Variants in IGSF21 observed in about 807,000 individuals in gnomAD.
IGSF21 encodes the protein immunoglobulin superfamily member 21.
IGSF21 carries 28 observed loss-of-function variants against 46.8 expected under a neutral mutation model. The ratio of observed to expected loss-of-function variants is 0.60; its 90% CI spans 0.44 to 0.82. The LOEUF (loss-of-function observed/expected upper bound fraction) is 0.82. IGSF21 is among the 40% of genes least tolerant of loss of function. IGSF21 has a pLI of 0.00. For synonymous variants in IGSF21, 284 were observed against 273.6 expected (o/e 1.04, Z -0.38); for missense variants, 624 against 665.5 (o/e 0.94, Z 0.69).
intron 2 of IGSF21, among the ~76,000 whole-genome samples, chr1:18,231,960 T>TGTGTGTGTGG (rs762060507): frequency 6.7e-6 from 1 of 149,348 alleles, no homozygotes. Flanking sequence ...TGTGTGTGTG[T>TGTGTGTGTGG]GGTGAGGGAG....
chr1:18,333,849 A>G (rs1297507375), intron 3 of IGSF21, among the ~76,000 whole-genome samples: 15 of 152,234 alleles, frequency 9.9e-5, no homozygotes, highest in Non-Finnish European at 1.6e-4. Context: ...CTATTTTTTT[A>G]CAACTTGTGA....
In IGSF21 at chr1:18,365,631, G is replaced by A. The variant is rs1395043717; in HGVS notation, c.949G>A (p.Ala317Thr). Residue 317 changes from alanine to threonine, a missense_variant, in exon 6 of 10, where the codon GCC becomes ACC. Ala to Thr is a moderately conservative substitution (Grantham distance 58). Transcript: ENST00000251296. The surrounding 1 kb of genome is among the most constrained non-coding windows in gnomAD (Gnocchi z 4.8). ...WTLNPQIDNE[A>T]LFSCEVKHPA... ...CCTCAACCCACAGATCGACAACGAG[G>A]CCCTCTTCAGCTGCGAGGTCAAGCA... 1.2e-6 allele frequency: 2 copies of A among 1,614,166 alleles called. No individual in the cohort carries two copies. Among genetic ancestry groups the A allele is most frequent in the East Asian group, 2.2e-5 (1 of 44,878 alleles).
Position 18,333,010 on chromosome 1 carries a change from G to A in IGSF21, c.306-1882G>A, listed in dbSNP as rs560641358. ...GAGGTTATGTTGCTCTGCAAAAGCA[G>A]GTGGGAGAGCAAAGTGGGAAGTGTG... On this transcript the variant is annotated intron_variant, in intron 3 of 9. Transcript: ENST00000251296. 9.2e-5 allele frequency among the ~76,000 whole-genome samples: 14 copies of A among 152,348 alleles called. No homozygotes were observed. In the South Asian group the frequency reaches 2.5e-3, roughly 27 times the overall value.
chr1:18,278,773 C>G (rs1193031571), intron 2 of IGSF21: 1 of 466,560 alleles, frequency 2.1e-6, no homozygotes, highest in Non-Finnish European at 4.4e-6. Flanking sequence ...CCAGGCTGAT[C>G]TCAAACTCCT....
intron 1 of IGSF21, among the ~76,000 whole-genome samples, chr1:18,166,001 A>G (rs1208165187): frequency 1.3e-5 from 2 of 151,006 alleles, no homozygotes; most frequent in Admixed American, 1.3e-4. Context: ...TAGATGTGTC[A>G]GGTTATAAAC....
chr1:18,141,587 G>A (rs764259541), intron 1 of IGSF21, among the ~76,000 whole-genome samples: 1 of 152,294 alleles, frequency 6.6e-6, no homozygotes, highest in East Asian at 1.9e-4. Flanking sequence ...ATATGACTGA[G>A]AGTGAGGGAC....
intron 1 of IGSF21, among the ~76,000 whole-genome samples, chr1:18,186,714 C>G (rs527339488): frequency 1.3e-5 from 2 of 152,266 alleles, no homozygotes; most frequent in African/African-American, 2.4e-5. Flanking sequence ...AAAGAAGGAC[C>G]TGTTTTTACC....
intron 1 of IGSF21, among the ~76,000 whole-genome samples, chr1:18,164,128 C>G (rs1357614676): frequency 6.6e-6 from 1 of 152,238 alleles, no homozygotes; most frequent in East Asian, 1.9e-4. Context: ...TTCTACATGG[C>G]ATGTATTATG....
At chr1:18,193,903 C>G (rs1351525174) in intron 1 of IGSF21, among the ~76,000 whole-genome samples, 1 of 152,084 alleles carries the variant, frequency 6.6e-6, no homozygotes, top group Non-Finnish European at 1.5e-5. Flanking sequence ...GGAGTTTCCC[C>G]CTGAGTGTGT....
intron 1 of IGSF21, among the ~76,000 whole-genome samples, chr1:18,163,085 G>A (rs758584555): frequency 6.6e-6 from 1 of 152,138 alleles, no homozygotes; most frequent in South Asian, 2.1e-4. Context: ...AATGAAAGAT[G>A]TTTCCATGGG....
intron 1 of IGSF21, among the ~76,000 whole-genome samples, chr1:18,117,419 T>C (rs2086197734): frequency 6.6e-6 from 1 of 152,196 alleles, no homozygotes; most frequent in South Asian, 2.1e-4. Context: ...GGCATGGGCT[T>C]TGTAGTCTAA....
rs748053717 is a variant in IGSF21 at position 18,291,923 on chromosome 1, A to C, written c.241A>C (p.Thr81Pro). The C allele has an allele frequency of 6.2e-7, 1 of 1,613,588 alleles. No homozygotes were observed. The highest frequency in any genetic ancestry group is 8.5e-7 in the Non-Finnish European group (1 of 1,179,918). ...KIFTFDAMFS[T>P]NYSHMENYRK... ...CTTCACCTTCGACGCCATGTTCTCC[A>C]CCAACTACTCACACATGGAGAACTA... Residue 81 changes from threonine (T) to proline (P), a missense_variant, in exon 3 of 10, where the codon ACC becomes CCC. Coordinates refer to ENST00000251296, the MANE Select transcript of IGSF21 (RefSeq NM_032880.5).
At chr1:18,301,261 C>CT (rs1300495839) in intron 3 of IGSF21, among the ~76,000 whole-genome samples, 5 of 152,218 alleles carry the variant, frequency 3.3e-5, no homozygotes, top group African/African-American at 1.2e-4. Context: ...GCCAGGTCCA[C>CT]TTGTGGGGCC....
chr1:18,222,646 A>G (rs2084521982), intron 1 of IGSF21, among the ~76,000 whole-genome samples: 1 of 152,202 alleles, frequency 6.6e-6, no homozygotes, highest in Non-Finnish European at 1.5e-5. Flanking sequence ...ACTGAATGCT[A>G]GAGTGAGAAA....
At chr1:18,315,188 CATTTGGCCGCA>C (rs1415981301) in intron 3 of IGSF21, among the ~76,000 whole-genome samples, 1 of 152,100 alleles carries the variant, frequency 6.6e-6, no homozygotes, top group African/African-American at 2.4e-5. Flanking sequence ...GGGCAGGTCT[CATTTGGCCGCA>C]TGCAGATAAT....
intron 2 of IGSF21, among the ~76,000 whole-genome samples, chr1:18,241,436 G>A (rs1039097683): frequency 3.3e-5 from 5 of 152,190 alleles, no homozygotes; most frequent in African/African-American, 4.8e-5. Flanking sequence ...GGGAGACTGA[G>A]GTTAGGTGAG....
intron 1 of IGSF21, among the ~76,000 whole-genome samples, chr1:18,189,627 G>A (rs2086936111): frequency 2.0e-5 from 3 of 151,578 alleles, no homozygotes; most frequent in Admixed American, 2.0e-4. Flanking sequence ...AGATCATCAG[G>A]CATTAGATTC....
At chr1:18,286,479 T>G (rs778029544) in intron 2 of IGSF21, among the ~76,000 whole-genome samples, 1 of 152,246 alleles carries the variant, frequency 6.6e-6, no homozygotes, top group Non-Finnish European at 1.5e-5. Context: ...TTTGCATAAC[T>G]ACGTGCACAG....
chr1:18,365,391 C>T lies in IGSF21; in HGVS notation c.709C>T (p.Arg237Trp), dbSNP rs1265848059. Residue 237 changes from arginine (R) to tryptophan (W), a missense_variant, in exon 6 of 10, where the codon CGG becomes TGG. Coordinates refer to ENST00000251296, the MANE Select transcript of IGSF21 (RefSeq NM_032880.5). The surrounding 1 kb of genome is among the most constrained non-coding windows in gnomAD (Gnocchi z 4.8). ...KSLSLLDAEN[R>W]GGRPYTERPS... ...ACTGTCCCTCCTGGACGCCGAGAAC[C>T]GGGGTGGGCGACCCTACACGGAGCG... 8.1e-6 allele frequency: 13 copies of T among 1,614,028 alleles called. No individual in the cohort carries two copies. The highest frequency in any genetic ancestry group is 6.7e-5 in the East Asian group (3 of 44,840).
Sources: gnomAD v4.1 joint callset for allele counts (sites outside exome capture counted in the v4.1 genomes callset) on GRCh38, gnomAD v4.1.1 for gene constraint, Gnocchi (gnomAD v3.1) non-coding constraint, MANE v1.5 for transcripts, NCBI Gene and HGNC (gene_info 2026-07-23, HGNC 2026-07-21) for gene names.